The following FAM135B variants were observed in gnomAD, a reference collection of about 807,000 sequenced individuals.
FAM135B encodes the protein protein FAM135B.
In FAM135B, 43 loss-of-function variants were observed where a neutral mutation model predicts 127.7. The ratio of observed to expected loss-of-function variants is 0.34; its 90% confidence interval spans 0.26 to 0.43. The LOEUF (loss-of-function observed/expected upper bound fraction) is 0.43. Ranked by LOEUF, FAM135B falls within the 20% of genes least tolerant of loss-of-function variation. The pLI is 1.00. For missense variants in FAM135B, 1,558 were observed against 1,725.6 expected, an observed-to-expected ratio of 0.90 and a Z score of 1.72; for synonymous variants, 670 against 665.1, an observed-to-expected ratio of 1.01 and a Z score of -0.11.
intron 4 of FAM135B, among the ~76,000 whole-genome samples, chr8:138,261,144 C>CA (rs1374900672): frequency 0.013 from 1,744 of 135,520 alleles, 35 homozygotes; most frequent in African/African-American, 0.041. Context: ...CTGCTTCCAG[C>CA]AAAAAAAAAA....
intron 1 of FAM135B, among the ~76,000 whole-genome samples, chr8:138,383,801 T>C (rs1358610939): frequency 3.3e-5 from 5 of 152,192 alleles, no homozygotes; most frequent in African/African-American, 9.7e-5. Context: ...TCCCTGACCA[T>C]TGCTGTATAA....
chr8:138,421,136 C>T (rs1386847704), intron 1 of FAM135B, among the ~76,000 whole-genome samples: 2 of 152,018 alleles, frequency 1.3e-5, no homozygotes, highest in African/African-American at 4.8e-5. Context: ...ACGGTGAAAC[C>T]CTGTCTCTAG....
intron 7 of FAM135B, among the ~76,000 whole-genome samples, chr8:138,229,703 G>A (rs1181054134): frequency 6.6e-6 from 1 of 152,140 alleles, no homozygotes; most frequent in Non-Finnish European, 1.5e-5. Context: ...CTGGGTAATT[G>A]AGAAAGGAAA....
intron 1 of FAM135B, among the ~76,000 whole-genome samples, chr8:138,381,378 C>A (rs1431529429): frequency 6.6e-6 from 1 of 152,158 alleles, no homozygotes; most frequent in African/African-American, 2.4e-5. Context: ...AATGTCCAAT[C>A]TAGCTTTTCC....
chr8:138,150,400 T>C (rs1407420717), intron 13 of FAM135B, among the ~76,000 whole-genome samples: 1 of 152,236 alleles, frequency 6.6e-6, no homozygotes, highest in Non-Finnish European at 1.5e-5. Flanking sequence ...CGGGGTACTG[T>C]GGCTCATGCC....
chr8:138,331,162 A>G (rs952612098), intron 2 of FAM135B, among the ~76,000 whole-genome samples: 5 of 152,182 alleles, frequency 3.3e-5, no homozygotes, highest in African/African-American at 1.2e-4. Context: ...GTGCTAGGAA[A>G]CAATTTCCAA....
At chr8:138,329,681 C>T (rs1828036533) in intron 2 of FAM135B, among the ~76,000 whole-genome samples, 1 of 152,084 alleles carries the variant, frequency 6.6e-6, no homozygotes, top group Non-Finnish European at 1.5e-5. Context: ...GTTAGACAGA[C>T]ATGGGGAAGC....
intron 4 of FAM135B, among the ~76,000 whole-genome samples, chr8:138,262,915 A>AAAC (rs1398225707): frequency 6.6e-6 from 1 of 150,394 alleles, no homozygotes; most frequent in East Asian, 2.0e-4. Flanking sequence ...AAAAAAAAAA[A>AAAC]AAAAAAGCAA....
intron 11 of FAM135B, among the ~76,000 whole-genome samples, chr8:138,170,856 G>T (rs905566071): frequency 6.6e-6 from 1 of 152,136 alleles, no homozygotes; most frequent in African/African-American, 2.4e-5. Flanking sequence ...CATCCAATTA[G>T]TTGGGTCCCG....
Position 138,152,941 on chromosome 8 carries a change from C to T in FAM135B, c.1534G>A (p.Gly512Ser), listed in dbSNP as rs752708693. 2 of 1,614,088 alleles carry T rather than the reference C, an allele frequency of 1.2e-6. No homozygotes were observed. Among genetic ancestry groups the T allele is most frequent in the Non-Finnish European group, 1.7e-6 (2 of 1,180,058 alleles). The change falls in exon 13 of 20, where the codon GGT becomes AGT. Residue 512 changes from glycine to serine, a missense_variant. Coordinates refer to ENST00000395297, the MANE Select transcript of FAM135B (RefSeq NM_015912.4). ...GTCCAACATTCATCTTCAGGCACAC[C>T]TGCTTTGTTTTGAAATTCACCAATT... ...ISIGEFQNKA[G>S]VPEDECWTGQ...
intron 3 of FAM135B, among the ~76,000 whole-genome samples, chr8:138,266,058 A>G (rs555371161): frequency 6.6e-6 from 1 of 152,264 alleles, no homozygotes; most frequent in African/African-American, 2.4e-5. Context: ...CATCCCTTAC[A>G]AGCGATAAAA....
At chr8:138,182,978 C>A (rs1286199591) in intron 9 of FAM135B, among the ~76,000 whole-genome samples, 1 of 152,180 alleles carries the variant, frequency 6.6e-6, no homozygotes, top group Non-Finnish European at 1.5e-5. Flanking sequence ...TCGTGCATGT[C>A]CTCATCTTCA....
intron 1 of FAM135B, among the ~76,000 whole-genome samples, chr8:138,416,205 A>C (rs1834138957): frequency 6.6e-6 from 1 of 152,246 alleles, no homozygotes; most frequent in African/African-American, 2.4e-5. Flanking sequence ...AACTAGGAGA[A>C]TAGTAAAGCA....
At chr8:138,495,875 T>TCTCC (rs1184709526) in intron 1 of FAM135B, among the ~76,000 whole-genome samples, 1 of 152,090 alleles carries the variant, frequency 6.6e-6, no homozygotes, top group African/African-American at 2.4e-5. Flanking sequence ...TGAAGCGGTG[T>TCTCC]CTCCAGCTGT....
At chr8:138,209,187 C>T (rs957051250) in intron 7 of FAM135B, among the ~76,000 whole-genome samples, 1 of 152,086 alleles carries the variant, frequency 6.6e-6, no homozygotes, top group Non-Finnish European at 1.5e-5. Flanking sequence ...TTAATGAATA[C>T]TGTCCTCACC....
At chr8:138,164,072 T>C (rs1016795989) in intron 12 of FAM135B, among the ~76,000 whole-genome samples, 1 of 152,226 alleles carries the variant, frequency 6.6e-6, no homozygotes, top group African/African-American at 2.4e-5. Context: ...AATATAATTG[T>C]ATCTGATAAC....
intron 12 of FAM135B, among the ~76,000 whole-genome samples, chr8:138,154,473 G>A (rs1040691051): frequency 6.6e-6 from 1 of 152,130 alleles, no homozygotes; most frequent in Non-Finnish European, 1.5e-5. Context: ...CGCTTCAGAT[G>A]ATCGGTAATA....
At chr8:138,309,158 C>T (rs1826477640) in intron 3 of FAM135B, 1 of 324,476 alleles carries the variant, frequency 3.1e-6, no homozygotes, top group African/African-American at 2.2e-5. Flanking sequence ...CCAATGTACA[C>T]ATATGGACAC....
chr8:138,313,218 G>A (rs1473898796), intron 2 of FAM135B, among the ~76,000 whole-genome samples: 4 of 152,038 alleles, frequency 2.6e-5, no homozygotes, highest in African/African-American at 4.8e-5. Flanking sequence ...TGCAACTTCC[G>A]TCTCCCGGGT....
Sources: allele counts gnomAD v4.1 joint callset (sites outside exome capture counted in the v4.1 genomes callset), GRCh38; gene constraint gnomAD v4.1.1; transcripts MANE v1.5; gene names NCBI Gene and HGNC (gene_info 2026-07-23, HGNC 2026-07-21).